Variants in CCNF observed in about 807,000 individuals in gnomAD.
CCNF encodes the protein cyclin-F.
In CCNF, 30 loss-of-function variants were observed where a neutral mutation model predicts 85.4. The ratio of observed to expected loss-of-function variants is 0.35; its 90% CI spans 0.26 to 0.48. CCNF has a LOEUF of 0.48. CCNF is among the 20% of genes least tolerant of loss of function. The pLI is 0.99. For missense variants in CCNF, 919 were observed against 1,010.4 expected (o/e 0.91, Z 1.23); for synonymous variants, 439 against 425.1 (o/e 1.03, Z -0.40).
At chr16:2,443,429 A>G (rs575582176) in intron 8 of CCNF, among the ~76,000 whole-genome samples, 84 of 152,074 alleles carry the variant, frequency 5.5e-4, no homozygotes, top group African/African-American at 1.2e-3. Context: ...AAGGCCACTG[A>G]CATTTCATTA....
At chr16:2,435,666 CATATATATATATATAT>C (rs71148135) in intron 3 of CCNF, 124 bp from the exon 4 acceptor site, 982 of 42,650 alleles carry the variant, frequency 0.023, 41 homozygotes, top group African/African-American at 0.068. Context: ...CACACACACA[CATATATATATATATAT>C]ATATATATAT....
chr16:2,443,541 G>C, intron 8 of CCNF, 108 bp from the exon 9 acceptor site: 1 of 1,015,590 alleles, frequency 9.8e-7, no homozygotes, highest in Non-Finnish European at 1.5e-6. Context: ...AAGTTAAGTA[G>C]GGCAGTGTGT....
In CCNF at chr16:2,453,026, G is replaced by A; in HGVS notation, c.1488-184G>A. On this transcript the variant is annotated intron_variant, in intron 13 of 16. Coordinates refer to ENST00000397066, the MANE Select transcript of CCNF (RefSeq NM_001761.3). The surrounding 1 kb of genome is among the most constrained non-coding windows in gnomAD (Gnocchi z 5.6). ...TGGACATAGTTTTTCCTTTTTCCTG[G>A]GTCTTTACCTAGAGAGGAATTGCTA... 1.6e-6 allele frequency: 1 copy of A among 610,106 alleles called. No homozygotes were observed. Among genetic ancestry groups the A allele is most frequent in the Non-Finnish European group, 2.9e-6 (1 of 341,334 alleles). 37.8% of individuals were successfully genotyped at this position (610,106 alleles called of 1,614,324 possible).
Position 2,449,429 on chromosome 16 carries a change from G to T in CCNF, c.1366G>T (p.Ala456Ser). ...AYAPARLAAA[A>S]LLLARLTHGQ... ...CGCCCCAGCCCGCCTGGCTGCCGCA[G>T]CCCTGCTCCTGGCCAGACTGACGCA... Residue 456 changes from alanine to serine, a missense_variant, in exon 12 of 17, where the codon GCC becomes TCC. By Grantham distance (99) the Ala-to-Ser change is moderately conservative. This residue lies in a region of CCNF where 505 missense variants were observed against 514.8 expected (regional missense o/e 0.98). Transcript: ENST00000397066. 1 of 1,608,884 alleles carries T rather than the reference G, an allele frequency of 6.2e-7. No homozygotes were observed. Among genetic ancestry groups the T allele is most frequent in the Non-Finnish European group, 8.5e-7 (1 of 1,179,904 alleles).
intron 3 of CCNF, among the ~76,000 whole-genome samples, chr16:2,434,143 T>G (rs2065276105): frequency 1.3e-5 from 2 of 149,128 alleles, no homozygotes; most frequent in Non-Finnish European, 3.0e-5. Context: ...CTGTCTCTAT[T>G]AAAAATACAA....
chr16:2,435,776 T>C (rs1156392916), intron 3 of CCNF, 30 bp from the exon 4 acceptor site: 7 of 1,592,152 alleles, frequency 4.4e-6, no homozygotes, highest in Non-Finnish European at 6.0e-6. Context: ...GCATAAAATA[T>C]TGTGATGCTT....
In CCNF at chr16:2,451,758, G is replaced by A. The variant is rs2065396534; in HGVS notation, c.1488-1452G>A. On this transcript the variant is annotated intron_variant, in intron 13 of 16. Transcript: ENST00000397066. The surrounding 1 kb of genome is among the most constrained non-coding windows in gnomAD (Gnocchi z 4.3). Reference sequence around the variant, plus strand: ...CATTACGCTGACCCTCCCTCCCTCGGGGGCTTCGGCTTCCTGCCCTAGGCC... The same window carrying A: ...CATTACGCTGACCCTCCCTCCCTCGAGGGCTTCGGCTTCCTGCCCTAGGCC... Among the ~76,000 whole-genome samples the A allele has an allele frequency of 6.6e-6, 1 of 152,130 alleles. No individual in the cohort carries two copies. The highest frequency in any genetic ancestry group is 6.5e-5 in the Admixed American group (1 of 15,272).
Position 2,455,489 on chromosome 16 carries a change from T to A in CCNF, c.1810T>A (p.Phe604Ile), listed in dbSNP as rs118131564. ...CCAGGAGGAGACGCTGCTGGGCAGC[T>A]TCCTCGACTGGAGCCTGGACTGCTG... ...SSQEETLLGS[F>I]LDWSLDCCSG... Residue 604 changes from phenylalanine (F) to isoleucine (I), a missense_variant, in exon 16 of 17, where the codon TTC (phenylalanine) becomes ATC (isoleucine). Around this residue, in one of 3 missense-constraint regions of CCNF, gnomAD observed 505 missense variants for 514.8 expected, o/e 0.98. Transcript: ENST00000397066. 4,073 of 1,607,082 alleles carry A rather than the reference T, an allele frequency of 2.5e-3. 70 individuals are homozygous for A. Among genetic ancestry groups the A allele is most frequent in the East Asian group, 0.012 (538 of 44,618 alleles).
At chr16:2,433,803 C>A (rs2065274302) in intron 3 of CCNF, among the ~76,000 whole-genome samples, 1 of 152,032 alleles carries the variant, frequency 6.6e-6, no homozygotes, top group South Asian at 2.1e-4. Flanking sequence ...CCAGGATGGT[C>A]TCGATCTCCT....
intron 16 of CCNF, 36 bp downstream of exon 16, chr16:2,455,600 C>G (rs1446224383): frequency 6.4e-7 from 1 of 1,568,336 alleles, no homozygotes; most frequent in South Asian, 1.1e-5. Flanking sequence ...GAAGGGACAT[C>G]ACACAGAGGG....
At position 2,440,347 on chromosome 16, in the gene CCNF, G is replaced by C. The variant is rs566180951; in HGVS notation, c.777+521G>C. The stretch of plus-strand genomic sequence containing the variant: ...TAAATAAGTTGTTAGGGCCAGGTGC[G>C]GTGGCTCACGCCTGAAATCCCAGCA... On this transcript the variant is annotated intron_variant, in intron 8 of 16. Coordinates refer to ENST00000397066, the MANE Select transcript of CCNF (RefSeq NM_001761.3). Among the ~76,000 whole-genome samples the C allele has an allele frequency of 3.3e-5, 5 of 152,278 alleles. No individual in the cohort carries two copies. The South Asian group carries it at 8.3e-4, about 25-fold the overall frequency.
At chr16:2,450,339 A>AAG (rs1447997128) in intron 13 of CCNF, among the ~76,000 whole-genome samples, 2 of 145,964 alleles carry the variant, frequency 1.4e-5, no homozygotes, top group African/African-American at 5.1e-5. Context: ...TCTCTACTAA[A>AAG]AAAAAAAAAA....
intron 8 of CCNF, among the ~76,000 whole-genome samples, chr16:2,441,354 A>G (rs2141820293): frequency 6.6e-6 from 1 of 152,176 alleles, no homozygotes; most frequent in Non-Finnish European, 1.5e-5. Flanking sequence ...CGTGATCGCA[A>G]CATTGCACTT....
At chr16:2,454,915 C>T (rs1321446674) in intron 15 of CCNF, among the ~76,000 whole-genome samples, 1 of 152,130 alleles carries the variant, frequency 6.6e-6, no homozygotes, top group Non-Finnish European at 1.5e-5. Flanking sequence ...TAAAAATTAG[C>T]TGGGTGTGAT....
chr16:2,445,021 G>A (rs890936063), intron 9 of CCNF, among the ~76,000 whole-genome samples: 1 of 151,682 alleles, frequency 6.6e-6, no homozygotes, highest in African/African-American at 2.4e-5. Flanking sequence ...CCCCCAAGTA[G>A]GACTACAAGT....
intron 15 of CCNF, among the ~76,000 whole-genome samples, chr16:2,454,554 C>T (rs2065414156): frequency 6.6e-6 from 1 of 152,200 alleles, no homozygotes; most frequent in African/African-American, 2.4e-5. Context: ...CTCTCTCCAC[C>T]CCCCGCCCTC....
chr16:2,452,348 C>T lies in CCNF; in HGVS notation c.1488-862C>T, dbSNP rs1420173338. Among the ~76,000 whole-genome samples the T allele has an allele frequency of 3.3e-5, 5 of 152,190 alleles. No homozygotes were observed. Among genetic ancestry groups the T allele is most frequent in the African/African-American group, 1.2e-4 (5 of 41,454 alleles). On this transcript the variant is annotated intron_variant, in intron 13 of 16. Transcript: ENST00000397066. This position sits in a 1 kb window ranked among gnomAD's most constrained non-coding sequence, Gnocchi z 4.1. The stretch of plus-strand genomic sequence containing the variant: ...GTGCTGCTGCTCATGCTGCTTTCTC[C>T]TGCAGTGCCCGGACCCTGTGCCTTC...
At chr16:2,437,084 G>T in intron 4 of CCNF, 45 bp from the exon 5 acceptor site, 3 of 1,445,494 alleles carry the variant, frequency 2.1e-6, no homozygotes, top group South Asian at 1.5e-5. Flanking sequence ...TCCACATTCC[G>T]TCCCTAAGAG....
chr16:2,453,544 T>A lies in CCNF; in HGVS notation c.1715+7T>A, dbSNP rs2065407195. On this transcript the variant is annotated splice_region_variant and intron_variant, in intron 15 of 16. Transcript: ENST00000397066. The surrounding 1 kb of genome is among the most constrained non-coding windows in gnomAD (Gnocchi z 5.6). ...CGGGGCGGAGAACCAAACGGTTAGT[T>A]ACCCTGCGTTCTGGCTGCGCCATAC... is the stretch of plus-strand genomic sequence containing the variant. The A allele has an allele frequency of 2.5e-6, 4 of 1,613,746 alleles. No individual in the cohort carries two copies. The highest frequency in any genetic ancestry group is 3.4e-6 in the Non-Finnish European group (4 of 1,179,976).
Sources: allele counts gnomAD v4.1 joint callset (sites outside exome capture counted in the v4.1 genomes callset), GRCh38; gene constraint gnomAD v4.1.1; regional missense constraint gnomAD v4.1.1; non-coding constraint Gnocchi (gnomAD v3.1); transcripts MANE v1.5; gene names NCBI Gene and HGNC (gene_info 2026-07-23, HGNC 2026-07-21).